NELL1: variants seen among roughly 807,000 people sequenced by gnomAD.
NELL1 encodes the protein neural EGFL like 1, also known as protein kinase C-binding protein NELL1.
A neutral mutation model predicts 107.4 loss-of-function variants in NELL1; 76 were observed. The observed-to-expected ratio is 0.71, with a 90% confidence interval of 0.59 to 0.86. The LOEUF (loss-of-function observed/expected upper bound fraction) is 0.86. NELL1 is among the 40% of genes least tolerant of loss of function. The probability of loss-of-function intolerance (pLI) is 0.00; values close to 1 mark genes in which losing one functional copy is unlikely to be tolerated. For missense variants in NELL1, 1,024 were observed against 1,005.5 expected, an observed-to-expected ratio of 1.02 and a Z score of -0.25; for synonymous variants, 353 against 341.2, an observed-to-expected ratio of 1.03 and a Z score of -0.38.
intron 15 of NELL1, among the ~76,000 whole-genome samples, chr11:21,495,604 C>G (rs1854956900): frequency 6.6e-6 from 1 of 152,112 alleles, no homozygotes; most frequent in African/African-American, 2.4e-5. Context: ...ACAGTGGCTG[C>G]ATAATTTTAC....
intron 15 of NELL1, among the ~76,000 whole-genome samples, chr11:21,484,130 A>G (rs745905806): frequency 2.0e-5 from 3 of 148,684 alleles, no homozygotes; most frequent in Non-Finnish European, 3.0e-5. Flanking sequence ...TTTTTTTCCC[A>G]TGCTATATTT....
chr11:21,395,424 A>G (rs1238169649), intron 15 of NELL1, among the ~76,000 whole-genome samples: 3 of 151,588 alleles, frequency 2.0e-5, no homozygotes, highest in African/African-American at 7.3e-5. Context: ...ATGATTTTAG[A>G]GAACTCATAA....
chr11:20,895,968 G>A (rs1279560365), intron 5 of NELL1, among the ~76,000 whole-genome samples: 1 of 151,514 alleles, frequency 6.6e-6, no homozygotes, highest in Non-Finnish European at 1.5e-5. Context: ...TCTATGATTT[G>A]GTGTTTATTT....
chr11:21,120,323 G>T (rs1161900390), intron 13 of NELL1, among the ~76,000 whole-genome samples: 4 of 152,060 alleles, frequency 2.6e-5, no homozygotes, highest in African/African-American at 9.7e-5. Context: ...AAATATTTTT[G>T]ATGAAATTTT....
chr11:21,570,813 G>A lies in NELL1; in HGVS notation c.2030G>A (p.Ser677Asn). ...ACAGCTTGTGATTGCCAGAATCCAA[G>A]TGCTGACCTATTCTGTTGCCCAGAA... ...RRTACDCQNPSADLFCCPECD... is the reference protein window; with the variant it reads ...RRTACDCQNPNADLFCCPECD... Residue 677 changes from serine (S) to asparagine (N), a missense_variant, in exon 18 of 20, where the codon AGT becomes AAT. Physicochemically the swap from Ser to Asn is conservative, Grantham distance 46. Coordinates refer to ENST00000357134, the MANE Select transcript of NELL1 (RefSeq NM_006157.5). The A allele has an allele frequency of 6.2e-7, 1 of 1,611,840 alleles. No homozygotes were observed. Among genetic ancestry groups the A allele is most frequent in the Non-Finnish European group, 8.5e-7 (1 of 1,178,658 alleles).
At chr11:21,297,938 G>A (rs917952234) in intron 14 of NELL1, among the ~76,000 whole-genome samples, 5 of 151,816 alleles carry the variant, frequency 3.3e-5, no homozygotes, top group Non-Finnish European at 7.4e-5. Flanking sequence ...GAGAGAAGAG[G>A]AGAGCAAAAT....
intron 13 of NELL1, among the ~76,000 whole-genome samples, chr11:21,149,393 C>T (rs1856062394): frequency 6.6e-6 from 1 of 152,216 alleles, no homozygotes; most frequent in East Asian, 1.9e-4. Flanking sequence ...GGGGAGGCCT[C>T]ACAATCATGG....
intron 2 of NELL1, among the ~76,000 whole-genome samples, chr11:20,748,090 C>A (rs554011693): frequency 6.6e-6 from 1 of 152,206 alleles, no homozygotes; most frequent in African/African-American, 2.4e-5. Flanking sequence ...GATGCAAAAC[C>A]TTCATTCTAT....
At chr11:20,784,221 G>T (rs1258017866) in intron 3 of NELL1, among the ~76,000 whole-genome samples, 1 of 152,164 alleles carries the variant, frequency 6.6e-6, no homozygotes, top group African/African-American at 2.4e-5. Context: ...TCATCGCAAA[G>T]ATCACATAAG....
At chr11:20,907,487 C>T (rs1850027757) in intron 5 of NELL1, among the ~76,000 whole-genome samples, 1 of 152,010 alleles carries the variant, frequency 6.6e-6, no homozygotes, top group South Asian at 2.1e-4. Flanking sequence ...CATCTTTAGT[C>T]ATTAGGAAAA....
At chr11:20,684,921 G>A (rs936155179) in intron 2 of NELL1, among the ~76,000 whole-genome samples, 9 of 152,026 alleles carry the variant, frequency 5.9e-5, no homozygotes, top group African/African-American at 1.9e-4. Flanking sequence ...TCTGGCCCTC[G>A]TGTATGCTGG....
intron 12 of NELL1, among the ~76,000 whole-genome samples, chr11:21,014,238 C>G (rs76057197): frequency 6.6e-6 from 1 of 152,052 alleles, no homozygotes; most frequent in African/African-American, 2.4e-5. Context: ...GACTATGACT[C>G]GATGCTTCCA....
At chr11:21,414,195 G>A (rs1364825632) in intron 15 of NELL1, among the ~76,000 whole-genome samples, 1 of 152,004 alleles carries the variant, frequency 6.6e-6, no homozygotes, top group Non-Finnish European at 1.5e-5. Context: ...AGAGGTCTTT[G>A]GAAATGAAGG....
At chr11:21,379,203 T>C (rs775503128) in intron 15 of NELL1, among the ~76,000 whole-genome samples, 20 of 152,166 alleles carry the variant, frequency 1.3e-4, no homozygotes, top group Non-Finnish European at 2.5e-4. Flanking sequence ...TGTGTAGATA[T>C]CAGGTATCTA....
At chr11:21,220,738 ATTTG>A (rs1320436055) in intron 13 of NELL1, among the ~76,000 whole-genome samples, 1 of 152,018 alleles carries the variant, frequency 6.6e-6, no homozygotes, top group Non-Finnish European at 1.5e-5. Context: ...ACTTTACTGA[ATTTG>A]TTTATTAGTT....
Position 21,328,177 on chromosome 11 carries a change from G to A in NELL1, c.1550-42676G>A, listed in dbSNP as rs190963234. 2.0e-3 allele frequency among the ~76,000 whole-genome samples: 304 copies of A among 152,208 alleles called. 2 individuals are homozygous for A. The highest frequency in any genetic ancestry group is 6.9e-3 in the African/African-American group (288 of 41,560). ...CATCACAGGCCTGGAGGCTTAGGAG[G>A]AAAAAATTGTTTTATGGGCTGGACC... On this transcript the variant is annotated intron_variant, in intron 14 of 19. Coordinates refer to ENST00000357134, the MANE Select transcript of NELL1 (RefSeq NM_006157.5).
chr11:21,124,503 A>C (rs1439534122), intron 13 of NELL1, among the ~76,000 whole-genome samples: 1 of 152,166 alleles, frequency 6.6e-6, no homozygotes. Flanking sequence ...GTAGCTTATA[A>C]ACAATAGGAA....
intron 5 of NELL1, among the ~76,000 whole-genome samples, chr11:20,901,941 A>G (rs1464746606): frequency 1.3e-5 from 2 of 152,144 alleles, no homozygotes; most frequent in African/African-American, 4.8e-5. Context: ...TGAGTGATGT[A>G]ATTGATTTTT....
intron 15 of NELL1, among the ~76,000 whole-genome samples, chr11:21,448,258 G>A (rs917205476): frequency 6.6e-6 from 1 of 152,060 alleles, no homozygotes; most frequent in Non-Finnish European, 1.5e-5. Context: ...ACTATCAGTG[G>A]AGACTTCTAT....
Sources: gnomAD v4.1 joint callset for allele counts (sites outside exome capture counted in the v4.1 genomes callset) on GRCh38, gnomAD v4.1.1 for gene constraint, MANE v1.5 for transcripts, NCBI Gene and HGNC (gene_info 2026-07-23, HGNC 2026-07-21) for gene names.